The following DIAPH2 variants were observed in gnomAD, a reference collection of about 807,000 sequenced individuals.
DIAPH2 encodes protein diaphanous homolog 2.
In DIAPH2, 35 loss-of-function variants were observed where a neutral mutation model predicts 92.7. The ratio of observed to expected loss-of-function variants is 0.38; its 90% CI spans 0.29 to 0.50. The LOEUF (loss-of-function observed/expected upper bound fraction) is 0.50. DIAPH2 is among the 20% of genes least tolerant of loss of function. The pLI, the probability that DIAPH2 is intolerant of heterozygous loss-of-function variation, is 0.94. For missense variants in DIAPH2, 701 were observed against 819.5 expected (o/e 0.86, Z 1.77); for synonymous variants, 301 against 280.4 (o/e 1.07, Z -0.73).
intron 26 of DIAPH2, among the ~76,000 whole-genome samples, chrX:97,447,271 G>C (rs764280582): frequency 9.1e-6 from 1 of 110,179 alleles, no homozygotes; most frequent in South Asian, 3.9e-4. Context: ...AATAGCTTGT[G>C]CCCTTTTCTG....
chrX:97,149,346 G>C (rs1396974858), intron 22 of DIAPH2, among the ~76,000 whole-genome samples: 1 of 111,616 alleles, frequency 9.0e-6, no homozygotes, highest in Non-Finnish European at 1.9e-5. Context: ...TTAAATCTTA[G>C]CAGCCTGAGT....
chrX:97,372,149 G>A (rs1314237649), intron 24 of DIAPH2, among the ~76,000 whole-genome samples: 1 of 112,242 alleles, frequency 8.9e-6, no homozygotes, highest in East Asian at 2.8e-4. Flanking sequence ...TGTGACGGGA[G>A]AGACAGTTTT....
chrX:97,524,415 A>G (rs1050540944), intron 26 of DIAPH2, among the ~76,000 whole-genome samples: 1 of 112,308 alleles, frequency 8.9e-6, no homozygotes, highest in African/African-American at 3.2e-5. Flanking sequence ...GTACCATAGT[A>G]AAAATGACTT....
At chrX:97,459,284 A>G (rs1222159304) in intron 26 of DIAPH2, among the ~76,000 whole-genome samples, 2 of 112,145 alleles carry the variant, frequency 1.8e-5, no homozygotes, top group Non-Finnish European at 3.8e-5. Context: ...TGCTATAGTT[A>G]TAGCAAACAC....
intron 4 of DIAPH2, among the ~76,000 whole-genome samples, chrX:96,771,511 T>C (rs2064338746): frequency 8.9e-6 from 1 of 111,821 alleles, no homozygotes; most frequent in Non-Finnish European, 1.9e-5. Flanking sequence ...TGATCATCTA[T>C]GTAGAATGAG....
intron 5 of DIAPH2, among the ~76,000 whole-genome samples, chrX:96,889,732 A>G (rs1327709970): frequency 8.9e-6 from 1 of 111,813 alleles, no homozygotes; most frequent in Non-Finnish European, 1.9e-5. Context: ...ATTTTATATT[A>G]GATGATCAGT....
chrX:96,903,074 T>C (rs1376964421), intron 5 of DIAPH2, among the ~76,000 whole-genome samples: 2 of 109,719 alleles, frequency 1.8e-5, no homozygotes, highest in African/African-American at 6.6e-5. Flanking sequence ...CTGTTGCATT[T>C]CTGTTGTTCA....
At chrX:97,586,577 T>TTTTG (rs1343623151) in intron 26 of DIAPH2, among the ~76,000 whole-genome samples, 3 of 111,780 alleles carry the variant, frequency 2.7e-5, no homozygotes, top group South Asian at 3.8e-4. Flanking sequence ...TCAATACTGA[T>TTTTG]TTTGTTTGTC....
intron 17 of DIAPH2, among the ~76,000 whole-genome samples, chrX:97,051,841 CATT>C (rs1362389211): frequency 9.0e-6 from 1 of 111,601 alleles, no homozygotes; most frequent in African/African-American, 3.2e-5. Context: ...TCTTTTCTCT[CATT>C]AGCTGTTTTG....
chrX:96,989,491 T>C (rs2066054015), intron 17 of DIAPH2, among the ~76,000 whole-genome samples: 1 of 112,028 alleles, frequency 8.9e-6, no homozygotes, highest in Non-Finnish European at 1.9e-5. Context: ...TCCAGGACCA[T>C]GGAAGAATAT....
At chrX:96,854,937 G>A (rs1239770934) in intron 4 of DIAPH2, among the ~76,000 whole-genome samples, 1 of 108,883 alleles carries the variant, frequency 9.2e-6, no homozygotes, top group South Asian at 3.9e-4. Context: ...TGGTTTTTAG[G>A]TATATCTCAG....
In DIAPH2 at chrX:96,916,417, GTT is replaced by G. The variant is rs56682273; in HGVS notation, c.733-4_733-3del. The stretch of plus-strand genomic sequence containing the variant: ...TATTCCATAGACATTCTGAATGAAG[GTT>G]TTTTTTTTTTTTTTTTAGTTTGGAT... On this transcript the variant is annotated intron_variant, in intron 7 of 26. Transcript: ENST00000324765. The G allele has an allele frequency of 2.9e-3, 2,527 of 863,329 alleles. No homozygotes were observed. Among genetic ancestry groups the G allele is most frequent in the Admixed American group, 0.01 (220 of 21,503 alleles). The allele number at this position is 863,329 out of a possible 1,213,427, so 71.1% of individuals were successfully genotyped here.
At chrX:97,287,839 G>A (rs1171968219) in intron 23 of DIAPH2, among the ~76,000 whole-genome samples, 4 of 104,523 alleles carry the variant, frequency 3.8e-5, no homozygotes, top group East Asian at 3.0e-4. Context: ...TTTAATCCCA[G>A]CTACTCGGGA....
chrX:96,987,982 A>AT (rs1384439808), intron 17 of DIAPH2, among the ~76,000 whole-genome samples: 2 of 110,758 alleles, frequency 1.8e-5, no homozygotes, highest in Non-Finnish European at 3.8e-5. Flanking sequence ...TTGGAAATGT[A>AT]TTTTTTATTT....
chrX:96,775,929 G>T (rs12855006), intron 4 of DIAPH2, among the ~76,000 whole-genome samples: 1 of 111,646 alleles, frequency 9.0e-6, no homozygotes, highest in Non-Finnish European at 1.9e-5. Context: ...TATTTTTGAA[G>T]AATGTGTTGA....
At chrX:96,717,534 ATT>A (rs58337121) in intron 1 of DIAPH2, among the ~76,000 whole-genome samples, 2 of 91,152 alleles carry the variant, frequency 2.2e-5, no homozygotes, top group Admixed American at 1.2e-4. Flanking sequence ...ATACCAGGTG[ATT>A]TTTTTTTTTT....
intron 23 of DIAPH2, among the ~76,000 whole-genome samples, chrX:97,323,757 G>A (rs2068924867): frequency 9.3e-6 from 1 of 106,985 alleles, no homozygotes; most frequent in Non-Finnish European, 1.9e-5. Flanking sequence ...TACAAAATTA[G>A]CCAGGAGTGG....
chrX:97,588,621 TTTAGAA>T (rs1215651185), intron 26 of DIAPH2, among the ~76,000 whole-genome samples: 1 of 110,873 alleles, frequency 9.0e-6, no homozygotes. Context: ...GACTTTAACT[TTTAGAA>T]TTTATAATCT....
chrX:97,260,692 A>G (rs1182090865), intron 23 of DIAPH2, among the ~76,000 whole-genome samples: 1 of 111,977 alleles, frequency 8.9e-6, no homozygotes, highest in African/African-American at 3.2e-5. Context: ...TTGCTTTTTT[A>G]CTATTGGCTA....
Sources: allele counts gnomAD v4.1 joint callset (sites outside exome capture counted in the v4.1 genomes callset), GRCh38; gene constraint gnomAD v4.1.1; transcripts MANE v1.5; gene names NCBI Gene and HGNC (gene_info 2026-07-23, HGNC 2026-07-21).